The following SNTB1 variants were observed in gnomAD, a reference collection of about 807,000 sequenced individuals.
The protein encoded by SNTB1 is beta-1-syntrophin.
SNTB1 carries 36 observed loss-of-function variants against 48.9 expected under a neutral mutation model. The observed-to-expected ratio is 0.74, with a 90% CI of 0.56 to 0.97. The LOEUF (loss-of-function observed/expected upper bound fraction) is 0.97, where lower values mean the gene tolerates loss of function less well. SNTB1 is among the 50% of genes least tolerant of loss of function. SNTB1 has a pLI of 0.00. For synonymous variants in SNTB1, 299 were observed against 294.6 expected, an observed-to-expected ratio of 1.01 and a Z score of -0.15; for missense variants, 786 against 703.4, an observed-to-expected ratio of 1.12 and a Z score of -1.33.
intron 3 of SNTB1, among the ~76,000 whole-genome samples, chr8:120,579,450 G>T (rs1587005513): frequency 6.6e-6 from 1 of 152,168 alleles, no homozygotes; most frequent in Non-Finnish European, 1.5e-5. Flanking sequence ...ACCAAGGTGG[G>T]TGGATCACTT....
chr8:120,614,398 A>G (rs1463038508), intron 3 of SNTB1, among the ~76,000 whole-genome samples: 1 of 152,242 alleles, frequency 6.6e-6, no homozygotes, highest in African/African-American at 2.4e-5. Context: ...CAAATTAGAC[A>G]CAACTCCTTC....
chr8:120,669,296 T>G (rs562069977), intron 2 of SNTB1, among the ~76,000 whole-genome samples: 81 of 152,268 alleles, frequency 5.3e-4, no homozygotes, highest in African/African-American at 1.9e-3. Context: ...ACTAGCACCA[T>G]CCCCTCCTTA....
At chr8:120,700,469 G>T (rs955753316) in intron 1 of SNTB1, among the ~76,000 whole-genome samples, 1 of 152,154 alleles carries the variant, frequency 6.6e-6, no homozygotes, top group Non-Finnish European at 1.5e-5. Context: ...CCAGGCCCAG[G>T]TTCAGGGTGC....
intron 3 of SNTB1, among the ~76,000 whole-genome samples, chr8:120,613,438 G>A (rs957382652): frequency 6.6e-6 from 1 of 152,090 alleles, no homozygotes; most frequent in South Asian, 2.1e-4. Context: ...GTAGTTACTA[G>A]AGGCTGGGAA....
chr8:120,611,158 C>T (rs889433617), intron 3 of SNTB1, among the ~76,000 whole-genome samples: 1 of 152,246 alleles, frequency 6.6e-6, no homozygotes, highest in East Asian at 1.9e-4. Flanking sequence ...TTCTTGATAA[C>T]GCTAAACAGA....
intron 1 of SNTB1, among the ~76,000 whole-genome samples, chr8:120,736,556 T>C (rs1818948206): frequency 6.6e-6 from 1 of 152,192 alleles, no homozygotes; most frequent in Admixed American, 6.5e-5. Context: ...AAATAACATT[T>C]CCGTGATGTA....
chr8:120,753,460 C>A (rs539257873), intron 1 of SNTB1, among the ~76,000 whole-genome samples: 1 of 152,160 alleles, frequency 6.6e-6, no homozygotes, highest in Admixed American at 6.6e-5. Flanking sequence ...GAAAAATCTA[C>A]GCTAAATCCT....
At chr8:120,551,851 C>G (rs2130655642) in intron 4 of SNTB1, among the ~76,000 whole-genome samples, 1 of 152,004 alleles carries the variant, frequency 6.6e-6, no homozygotes, top group Non-Finnish European at 1.5e-5. Flanking sequence ...TTAGTTTCCT[C>G]ATTTTAAAAA....
intron 4 of SNTB1, among the ~76,000 whole-genome samples, chr8:120,549,605 T>C (rs1004662671): frequency 3.9e-5 from 6 of 152,196 alleles, no homozygotes; most frequent in African/African-American, 1.4e-4. Flanking sequence ...CACACTGACT[T>C]TTGAACTTAC....
chr8:120,627,354 C>T (rs1816899356), intron 3 of SNTB1, among the ~76,000 whole-genome samples: 1 of 152,112 alleles, frequency 6.6e-6, no homozygotes, highest in Non-Finnish European at 1.5e-5. Flanking sequence ...ATACAAATTG[C>T]CTTCCCCTAA....
Position 120,747,079 on chromosome 8 carries a change from A to G in SNTB1, c.572-53171T>C, listed in dbSNP as rs140280664. On this transcript the variant is annotated intron_variant, in intron 1 of 6. Transcript: ENST00000517992. ...TGGTGTATTTTTAAGTAAAAAAGAA[A>G]AAAAAAGGCAGGTTAAAATACAGAA... 8.1e-3 allele frequency among the ~76,000 whole-genome samples: 1,241 copies of G among 152,290 alleles called. 18 individuals are homozygous for G. Among genetic ancestry groups the G allele is most frequent in the African/African-American group, 0.028 (1,175 of 41,542 alleles).
rs1254466737 is a variant in SNTB1 at position 120,674,452 on chromosome 8, A to G, written c.788+19240T>C. ...ACAGATGTTACTAAAAAGAAAAGAT[A>G]AAATGAAATGTGAAACCACTACATG... On this transcript the variant is annotated intron_variant, in intron 2 of 6. Coordinates refer to ENST00000517992, the MANE Select transcript of SNTB1 (RefSeq NM_021021.4). Among the ~76,000 whole-genome samples the G allele has an allele frequency of 2.0e-5, 3 of 152,360 alleles. No individual in the cohort carries two copies. The East Asian group carries it at 5.8e-4, about 29-fold the overall frequency.
Position 120,547,729 on chromosome 8 carries a change from T to C in SNTB1, c.1333+1033A>G, listed in dbSNP as rs1028738276. On this transcript the variant is annotated intron_variant, in intron 5 of 6. Coordinates refer to ENST00000517992, the MANE Select transcript of SNTB1 (RefSeq NM_021021.4). Reference sequence around the variant, plus strand: ...CTTCCTTCTACACACATCTCCCATTTCTACCACCGACTTGCCCTTTCTAAG... The same window carrying C: ...CTTCCTTCTACACACATCTCCCATTCCTACCACCGACTTGCCCTTTCTAAG... Among the ~76,000 whole-genome samples the C allele has an allele frequency of 6.6e-5, 10 of 152,288 alleles. No homozygotes were observed. The East Asian group carries it at 1.9e-3, about 29-fold the overall frequency.
In SNTB1 at chr8:120,626,234, G is replaced by C. The variant is rs1199703567; in HGVS notation, c.996+6210C>G. 3.3e-5 allele frequency among the ~76,000 whole-genome samples: 5 copies of C among 151,906 alleles called. No homozygotes were observed. In the East Asian group the frequency reaches 9.7e-4, roughly 29 times the overall value. ...ATGTATATATATATAGAGAGAGAGA[G>C]ATCAATATAGTCACATAGATAAATA... On this transcript the variant is annotated intron_variant, in intron 3 of 6. Coordinates refer to ENST00000517992, the MANE Select transcript of SNTB1 (RefSeq NM_021021.4).
chr8:120,756,859 GA>G (rs1819326740), intron 1 of SNTB1, among the ~76,000 whole-genome samples: 1 of 152,162 alleles, frequency 6.6e-6, no homozygotes, highest in Non-Finnish European at 1.5e-5. Context: ...AGGCTTGCAA[GA>G]AAAAGAAATT....
At chr8:120,647,484 G>A (rs1817319066) in intron 2 of SNTB1, among the ~76,000 whole-genome samples, 1 of 149,382 alleles carries the variant, frequency 6.7e-6, no homozygotes, top group South Asian at 2.1e-4. Context: ...TTTTGAGTGA[G>A]TTTCTTAATC....
intron 1 of SNTB1, among the ~76,000 whole-genome samples, chr8:120,755,854 T>G (rs983610588): frequency 3.9e-5 from 6 of 152,160 alleles, no homozygotes; most frequent in African/African-American, 1.2e-4. Flanking sequence ...GAAGAAATAG[T>G]GCTATTATAA....
intron 3 of SNTB1, among the ~76,000 whole-genome samples, chr8:120,581,110 G>GAA (rs1563822992): frequency 8.1e-5 from 12 of 147,450 alleles, no homozygotes; most frequent in African/African-American, 2.5e-4. Context: ...AAAAAAAAGA[G>GAA]AAAGAAAAAG....
chr8:120,612,555 T>C, intron 3 of SNTB1, among the ~76,000 whole-genome samples: 1 of 152,050 alleles, frequency 6.6e-6, no homozygotes, highest in East Asian at 1.9e-4. Flanking sequence ...CAAATCTGCT[T>C]TTATTTTATT....
Sources: allele counts gnomAD v4.1 joint callset (sites outside exome capture counted in the v4.1 genomes callset), GRCh38; gene constraint gnomAD v4.1.1; transcripts MANE v1.5; gene names NCBI Gene and HGNC (gene_info 2026-07-23, HGNC 2026-07-21).